The following PDSS2 variants were observed in gnomAD, a reference collection of about 807,000 sequenced individuals.
The protein encoded by PDSS2 is decaprenyl diphosphate synthase subunit 2.
In PDSS2, 31 loss-of-function variants were observed where a neutral mutation model predicts 44.5. The ratio of observed to expected loss-of-function variants is 0.70; its 90% CI spans 0.52 to 0.94. The LOEUF is 0.94. Ranked by LOEUF, PDSS2 falls within the 40% of genes least tolerant of loss-of-function variation. The pLI, the probability that PDSS2 is intolerant of heterozygous loss-of-function variation, is 0.00. For missense variants in PDSS2, 452 were observed against 482.2 expected, an observed-to-expected ratio of 0.94 and a Z score of 0.59; for synonymous variants, 157 against 180.3, an observed-to-expected ratio of 0.87 and a Z score of 1.03.
chr6:107,405,862 A>AG (rs1297377378), intron 1 of PDSS2, among the ~76,000 whole-genome samples: 35 of 151,820 alleles, frequency 2.3e-4, no homozygotes, highest in African/African-American at 8.5e-4. Context: ...AAAAAAAAAA[A>AG]AAAAGATACA....
intron 7 of PDSS2, among the ~76,000 whole-genome samples, chr6:107,179,444 C>T (rs1411081145): frequency 1.3e-5 from 2 of 152,024 alleles, no homozygotes; most frequent in African/African-American, 2.4e-5. Flanking sequence ...TTACGCCTAG[C>T]TAATTATTGT....
At chr6:107,451,294 T>A (rs1781858617) in intron 1 of PDSS2, among the ~76,000 whole-genome samples, 1 of 152,196 alleles carries the variant, frequency 6.6e-6, no homozygotes, top group African/African-American at 2.4e-5. Flanking sequence ...CATAGTAGTA[T>A]CCCATTGTTG....
At chr6:107,162,365 C>T (rs1460151145) in intron 7 of PDSS2, among the ~76,000 whole-genome samples, 2 of 151,454 alleles carry the variant, frequency 1.3e-5, no homozygotes, top group Non-Finnish European at 2.9e-5. Context: ...TGGTGGCGTG[C>T]ACCTGTAATC....
At chr6:107,203,588 A>T (rs1403408204) in intron 6 of PDSS2, among the ~76,000 whole-genome samples, 1 of 152,168 alleles carries the variant, frequency 6.6e-6, no homozygotes, top group Non-Finnish European at 1.5e-5. Context: ...TGTCTGCTTC[A>T]TGACTTCTTC....
intron 1 of PDSS2, among the ~76,000 whole-genome samples, chr6:107,452,669 C>CA (rs1781908531): frequency 6.8e-6 from 1 of 147,232 alleles, no homozygotes; most frequent in Non-Finnish European, 1.5e-5. Flanking sequence ...AAGTTTCAAA[C>CA]TTTTTTTTTT....
In PDSS2 at chr6:107,190,443, G is replaced by A. The variant is rs191535436; in HGVS notation, c.1041+3379C>T. Among the ~76,000 whole-genome samples, 346 of 152,266 alleles carry A rather than the reference G, an allele frequency of 2.3e-3. 1 individual carries two copies. The highest frequency in any genetic ancestry group is 8.1e-3 in the African/African-American group (335 of 41,548). ...TCACTCGTCACTTACTAAGTGTCAA[G>A]TACTGTGTTGGGTACCAGATATACT... On this transcript the variant is annotated intron_variant, in intron 7 of 7. Transcript: ENST00000369037.
At chr6:107,180,919 A>T (rs577603713) in intron 7 of PDSS2, among the ~76,000 whole-genome samples, 1 of 152,180 alleles carries the variant, frequency 6.6e-6, no homozygotes, top group South Asian at 2.1e-4. Context: ...GGGCGCAATA[A>T]CCGCAACCTC....
At chr6:107,220,151 T>C (rs888436240) in intron 4 of PDSS2, among the ~76,000 whole-genome samples, 1 of 151,884 alleles carries the variant, frequency 6.6e-6, no homozygotes, top group South Asian at 2.1e-4. Flanking sequence ...GATTTGGTAA[T>C]GACTGTATCA....
Position 107,444,201 on chromosome 6 carries a change from AT to A in PDSS2, c.296+14788del, listed in dbSNP as rs67844071. 8.0e-3 allele frequency among the ~76,000 whole-genome samples: 1,207 copies of A among 151,036 alleles called. 21 individuals are homozygous for A. The highest frequency in any genetic ancestry group is 0.026 in the African/African-American group (1,069 of 40,968). On this transcript the variant is annotated intron_variant, in intron 1 of 7. Coordinates refer to ENST00000369037, the MANE Select transcript of PDSS2 (RefSeq NM_020381.4). ...CACCACCACACCCAGCTACTTTTTA[AT>A]TTTTTTTTTATATAGATGGGATCCC...
In PDSS2 at chr6:107,256,988, T is replaced by C. The variant is rs191814724; in HGVS notation, c.631-11369A>G. On this transcript the variant is annotated intron_variant, in intron 3 of 7. Coordinates refer to ENST00000369037, the MANE Select transcript of PDSS2 (RefSeq NM_020381.4). ...TGAGGACAGGAGTTGGAGACCAGCC[T>C]GGTTAACATGGCAAAACCCCATCTC... 1.2e-3 allele frequency among the ~76,000 whole-genome samples: 181 copies of C among 152,266 alleles called. 1 individual carries two copies. The highest frequency in any genetic ancestry group is 4.3e-3 in the African/African-American group (177 of 41,544).
chr6:107,311,301 T>G (rs554213628), intron 2 of PDSS2, among the ~76,000 whole-genome samples: 1 of 149,804 alleles, frequency 6.7e-6, no homozygotes, highest in Admixed American at 6.7e-5. Flanking sequence ...GCTTAAGTAA[T>G]CCTTAAGTAA....
chr6:107,334,721 A>AAC (rs1485024101), intron 1 of PDSS2, among the ~76,000 whole-genome samples: 11 of 151,458 alleles, frequency 7.3e-5, no homozygotes, highest in African/African-American at 2.4e-4. Context: ...AAAAAAAAAA[A>AAC]AAAAAACGTA....
chr6:107,303,125 G>C (rs79348857), intron 2 of PDSS2, among the ~76,000 whole-genome samples: 2,531 of 152,234 alleles, frequency 0.017, 72 homozygotes, highest in African/African-American at 0.058. Flanking sequence ...GAGGACCTTT[G>C]TGCTGTGTCA....
intron 7 of PDSS2, among the ~76,000 whole-genome samples, chr6:107,173,762 A>G (rs1771692873): frequency 6.6e-6 from 1 of 152,132 alleles, no homozygotes; most frequent in Admixed American, 6.6e-5. Context: ...TAGGTAACAC[A>G]TGGATAGTAT....
intron 6 of PDSS2, among the ~76,000 whole-genome samples, chr6:107,207,598 A>T (rs1054692112): frequency 6.7e-6 from 1 of 148,364 alleles, no homozygotes; most frequent in Non-Finnish European, 1.5e-5. Flanking sequence ...AAATAAACTC[A>T]GTAAAGTGTC....
At chr6:107,222,348 T>G (rs923692900) in intron 4 of PDSS2, among the ~76,000 whole-genome samples, 3 of 152,090 alleles carry the variant, frequency 2.0e-5, no homozygotes, top group African/African-American at 7.2e-5. Flanking sequence ...TTAATTATCA[T>G]TATTCCCATT....
chr6:107,289,157 G>A (rs1776260591), intron 2 of PDSS2, among the ~76,000 whole-genome samples: 1 of 151,112 alleles, frequency 6.6e-6, no homozygotes, highest in Non-Finnish European at 1.5e-5. Flanking sequence ...CGTATCACCT[G>A]AGGTCAGCAG....
intron 4 of PDSS2, among the ~76,000 whole-genome samples, chr6:107,217,351 AG>A (rs1454953630): frequency 6.6e-6 from 1 of 152,170 alleles, no homozygotes; most frequent in Admixed American, 6.5e-5. Flanking sequence ...TAATCATAGT[AG>A]TCCTTATAAG....
At chr6:107,440,167 A>G (rs555372270) in intron 1 of PDSS2, among the ~76,000 whole-genome samples, 2 of 152,300 alleles carry the variant, frequency 1.3e-5, no homozygotes, top group East Asian at 3.9e-4. Context: ...GACTCCAGTG[A>G]CCCTTTTCAT....
Sources: allele counts gnomAD v4.1 joint callset (sites outside exome capture counted in the v4.1 genomes callset), GRCh38; gene constraint gnomAD v4.1.1; transcripts MANE v1.5; gene names NCBI Gene and HGNC (gene_info 2026-07-23, HGNC 2026-07-21).